The following YTHDC2 variants were observed in gnomAD, a reference collection of about 807,000 sequenced individuals.
The protein encoded by YTHDC2 is 3'-5' RNA helicase YTHDC2.
In YTHDC2, 45 loss-of-function variants were observed where a neutral mutation model predicts 174.9. The observed-to-expected ratio is 0.26, with a 90% CI of 0.20 to 0.33. The LOEUF is 0.33. Ranked by LOEUF, YTHDC2 falls within the 10% of genes least tolerant of loss-of-function variation. The pLI is 1.00. For missense variants in YTHDC2, 1,650 were observed against 1,723.7 expected (o/e 0.96, Z 0.76); for synonymous variants, 657 against 574.5 (o/e 1.14, Z -2.05).
At chr5:113,534,907 T>C (rs1457800217) in intron 6 of YTHDC2, among the ~76,000 whole-genome samples, 1 of 152,186 alleles carries the variant, frequency 6.6e-6, no homozygotes, top group Non-Finnish European at 1.5e-5. Flanking sequence ...TTACCTAGTT[T>C]GTGTCAAAAA....
intron 2 of YTHDC2, chr5:113,517,505 A>G (rs990405673): frequency 1.3e-5 from 6 of 455,308 alleles, no homozygotes; most frequent in Non-Finnish European, 2.2e-5. Context: ...ATATCTTGGG[A>G]AGGAGAATTC....
Position 113,561,129 on chromosome 5 carries a change from C to T in YTHDC2, c.2266C>T (p.Arg756Ter). The change falls in exon 18 of 30, where the codon CGA (arginine) becomes TGA (stop). Residue 756 changes from arginine (R) to a stop codon, truncating the protein, a stop_gained. Transcript: ENST00000161863. LOFTEE classifies it high-confidence loss of function. ...GICFRLFSRLRFQNMLEFQTP... is the reference protein window; with the variant it reads ...GICFRLFSRL Reference sequence around the variant, plus strand: ...TTGTTTTCGTCTGTTCAGTAGACTCCGATTCCAGAATATGTTGGAATTTCA... The same window carrying T: ...TTGTTTTCGTCTGTTCAGTAGACTCTGATTCCAGAATATGTTGGAATTTCA... The T allele has an allele frequency of 6.2e-7, 1 of 1,612,578 alleles. No homozygotes were observed. Among genetic ancestry groups the T allele is most frequent in the Non-Finnish European group, 8.5e-7 (1 of 1,179,130 alleles).
At chr5:113,525,303 A>C in intron 3 of YTHDC2, 126 bp downstream of exon 3, 1 of 879,172 alleles carries the variant, frequency 1.1e-6, no homozygotes, top group Non-Finnish European at 1.7e-6. Context: ...TTTGTTAGAA[A>C]TGATTAAGAG....
chr5:113,545,727 CATT>C lies in YTHDC2; in HGVS notation c.1496-2813_1496-2811del, dbSNP rs1561654294. ...GATTTTTTGAAAAATAATTGATCTC[CATT>C]TTTTTTTTTTTTTTTTTTTTTTTTT... On this transcript the variant is annotated intron_variant, in intron 10 of 29. Transcript: ENST00000161863. 2.0e-4 allele frequency among the ~76,000 whole-genome samples: 16 copies of C among 80,346 alleles called. 1 individual carries two copies. Among genetic ancestry groups the C allele is most frequent in the African/African-American group, 1.3e-3 (13 of 9,678 alleles). 52.7% of individuals were successfully genotyped at this position (80,346 alleles called of 152,430 possible).
At chr5:113,557,036 T>G (rs1398612093) in intron 17 of YTHDC2, among the ~76,000 whole-genome samples, 1 of 152,194 alleles carries the variant, frequency 6.6e-6, no homozygotes, top group African/African-American at 2.4e-5. Context: ...AGAACATGCA[T>G]CTAGTAGTCT....
intron 10 of YTHDC2, among the ~76,000 whole-genome samples, chr5:113,543,712 C>T (rs1037923171): frequency 6.6e-5 from 10 of 152,198 alleles, no homozygotes; most frequent in South Asian, 2.1e-4. Flanking sequence ...CTGGCTTCCT[C>T]CTTGATCTTA....
At chr5:113,588,965 T>C (rs934152792) in intron 26 of YTHDC2, among the ~76,000 whole-genome samples, 2 of 152,286 alleles carry the variant, frequency 1.3e-5, no homozygotes, top group Non-Finnish European at 1.5e-5. Flanking sequence ...CTTTATGTTA[T>C]ATTGTTTTCA....
chr5:113,545,172 A>G (rs1175431123), intron 10 of YTHDC2, among the ~76,000 whole-genome samples: 1 of 152,200 alleles, frequency 6.6e-6, no homozygotes, highest in East Asian at 1.9e-4. Flanking sequence ...TGGGTCAATT[A>G]CCAAGCATGT....
intron 3 of YTHDC2, among the ~76,000 whole-genome samples, chr5:113,525,506 A>C (rs976581776): frequency 6.6e-6 from 1 of 152,054 alleles, no homozygotes; most frequent in African/African-American, 2.4e-5. Context: ...CCTATTTCAC[A>C]GGTGAAGAAA....
chr5:113,562,740 T>C (rs73242809), intron 18 of YTHDC2, among the ~76,000 whole-genome samples: 32,233 of 152,146 alleles, frequency 0.21, 3,899 homozygotes, highest in Admixed American at 0.34. Context: ...CATCTTAGTT[T>C]AAGTGTCTTT....
rs116379418 is a variant in YTHDC2 at position 113,580,013 on chromosome 5, G to A, written c.3354+318G>A. The A allele has an allele frequency of 1.1e-3, 976 of 865,156 alleles. 11 individuals are homozygous for A. The African/African-American group carries it at 0.017, about 15-fold the overall frequency. 53.6% of individuals were successfully genotyped at this position (865,156 alleles called of 1,614,324 possible). On this transcript the variant is annotated intron_variant, in intron 24 of 29. Coordinates refer to ENST00000161863, the MANE Select transcript of YTHDC2 (RefSeq NM_022828.5). ...AGGATCTTAAGTCTGAGATCAAGGTGCTGACGTCGGTTGAGGGCTGCTGGA... is the reference window on the plus strand; with the variant it reads ...AGGATCTTAAGTCTGAGATCAAGGTACTGACGTCGGTTGAGGGCTGCTGGA...
Position 113,563,465 on chromosome 5 carries a change from T to A in YTHDC2, c.2415T>A (p.Ile805=). The A allele has an allele frequency of 6.2e-7, 1 of 1,610,158 alleles. No homozygotes were observed. The highest frequency in any genetic ancestry group is 8.5e-7 in the Non-Finnish European group (1 of 1,177,750). The part of the protein sequence containing the change: ...MKAPEPPPAL[I]VRNAVQMLKT... ...CTCCTGAACCTCCACCAGCTTTAAT[T>A]GTAAGAAATGCTGTACAAATGCTTA... The change falls in exon 19 of 30, where the codon ATT becomes ATA. Residue 805 remains isoleucine (I), a synonymous_variant. Coordinates refer to ENST00000161863, the MANE Select transcript of YTHDC2 (RefSeq NM_022828.5).
At chr5:113,518,088 C>T (rs1230099523) in intron 2 of YTHDC2, among the ~76,000 whole-genome samples, 1 of 151,886 alleles carries the variant, frequency 6.6e-6, no homozygotes, top group Non-Finnish European at 1.5e-5. Context: ...TGGGGTTTCA[C>T]TGTGTTAGCC....
intron 26 of YTHDC2, among the ~76,000 whole-genome samples, chr5:113,588,430 C>T (rs924836275): frequency 1.3e-5 from 2 of 151,728 alleles, no homozygotes; most frequent in Non-Finnish European, 2.9e-5. Context: ...GGGTATTATT[C>T]TGTAGTTCTT....
chr5:113,581,751 C>G, intron 25 of YTHDC2, 42 bp downstream of exon 25: 1 of 1,394,886 alleles, frequency 7.2e-7, no homozygotes, highest in Non-Finnish European at 9.4e-7. Flanking sequence ...ACTTTTTATT[C>G]AGGAAAATGA....
At chr5:113,588,768 AT>A (rs1778829420) in intron 26 of YTHDC2, among the ~76,000 whole-genome samples, 1 of 151,754 alleles carries the variant, frequency 6.6e-6, no homozygotes, top group Non-Finnish European at 1.5e-5. Context: ...GATTACAGGC[AT>A]GTGCCACCAT....
At chr5:113,542,555 A>G in intron 10 of YTHDC2, 52 bp downstream of exon 10, 1 of 1,518,246 alleles carries the variant, frequency 6.6e-7, no homozygotes, top group South Asian at 1.3e-5. Context: ...TTATGGTGGA[A>G]GTATAGTTTA....
intron 16 of YTHDC2, among the ~76,000 whole-genome samples, chr5:113,554,689 C>CCCT (rs1776482379): frequency 1.3e-5 from 2 of 151,690 alleles, no homozygotes; most frequent in Non-Finnish European, 1.5e-5. Context: ...CCTCTCAAAG[C>CCCT]CTAAAATATT....
In YTHDC2 at chr5:113,553,990, G is replaced by T; in HGVS notation, c.2101G>T (p.Val701Phe). ...AETSITVNDV[V>F]FVIDSGKVKE... The stretch of plus-strand genomic sequence containing the variant: ...AACCAGCATCACAGTCAATGATGTT[G>T]TCTTTGTTATTGATTCTGGTAAGGT... The change falls in exon 16 of 30, where the codon GTC becomes TTC. Residue 701 changes from valine to phenylalanine, a missense_variant. Val to Phe is a conservative substitution (Grantham distance 50, BLOSUM62 -1). This residue lies in a region of YTHDC2 where 913 missense variants were observed against 940.4 expected (regional missense o/e 0.97). Transcript: ENST00000161863. The T allele has an allele frequency of 6.3e-7, 1 of 1,577,442 alleles. No homozygotes were observed. The highest frequency in any genetic ancestry group is 2.3e-5 in the East Asian group (1 of 44,322).
Sources: gnomAD v4.1 joint callset for allele counts (sites outside exome capture counted in the v4.1 genomes callset) on GRCh38, gnomAD v4.1.1 for gene constraint, gnomAD v4.1.1 regional missense constraint, MANE v1.5 for transcripts, NCBI Gene and HGNC (gene_info 2026-07-23, HGNC 2026-07-21) for gene names.